The following MPPED2 variants were observed in gnomAD, a reference collection of about 807,000 sequenced individuals.
The protein encoded by MPPED2 is metallophosphoesterase domain containing 2.
In MPPED2, 5 loss-of-function variants were observed where a neutral mutation model predicts 33.0. That is an observed-to-expected ratio of 0.15 (90% CI 0.08 to 0.32). The LOEUF is 0.32. Among genes scored for constraint, MPPED2 ranks in the 10% least tolerant of loss-of-function variants. MPPED2 has a pLI of 1.00. For synonymous variants in MPPED2, 136 were observed against 141.9 expected (o/e 0.96, Z 0.29); for missense variants, 275 against 372.1 (o/e 0.74, Z 2.15).
intron 4 of MPPED2, among the ~76,000 whole-genome samples, chr11:30,427,851 T>A (rs1948909165): frequency 6.6e-6 from 1 of 152,224 alleles, no homozygotes; most frequent in African/African-American, 2.4e-5. Flanking sequence ...ACTTTTTCTA[T>A]AATGACTATA....
chr11:30,421,783 G>C lies in MPPED2; in HGVS notation c.537-4150C>G, dbSNP rs542782859. On this transcript the variant is annotated intron_variant, in intron 4 of 6. Transcript: ENST00000358117. ...CTCATATATGTAAAGTAAAAGTAAG[G>C]CTGCTCCATACAGAATCTTAGTCTG... Among the ~76,000 whole-genome samples, 8 of 152,276 alleles carry C rather than the reference G, an allele frequency of 5.3e-5. No homozygotes were observed. In the East Asian group the frequency reaches 1.5e-3, roughly 29 times the overall value.
chr11:30,540,259 A>G (rs1327282867), intron 2 of MPPED2, among the ~76,000 whole-genome samples: 1 of 152,186 alleles, frequency 6.6e-6, no homozygotes, highest in Non-Finnish European at 1.5e-5. Flanking sequence ...AAATGCTCCA[A>G]AAATAGAGTA....
intron 4 of MPPED2, among the ~76,000 whole-genome samples, chr11:30,425,224 A>G (rs993822629): frequency 8.5e-5 from 13 of 152,262 alleles, no homozygotes; most frequent in Admixed American, 7.2e-4. Context: ...GCACACGTGG[A>G]CATCTTTACA....
chr11:30,557,225 A>AAT (rs1005444578), intron 2 of MPPED2, among the ~76,000 whole-genome samples: 4 of 141,788 alleles, frequency 2.8e-5, no homozygotes, highest in African/African-American at 6.3e-5. Context: ...ATATATATAT[A>AAT]ATATATATAT....
At chr11:30,397,417 T>G (rs2133703319) in intron 6 of MPPED2, among the ~76,000 whole-genome samples, 1 of 152,246 alleles carries the variant, frequency 6.6e-6, no homozygotes, top group Non-Finnish European at 1.5e-5. Context: ...GCTGTTAAAT[T>G]TGGTTGATAT....
At chr11:30,575,678 G>A (rs1337952088) in intron 2 of MPPED2, among the ~76,000 whole-genome samples, 1 of 152,174 alleles carries the variant, frequency 6.6e-6, no homozygotes, top group Non-Finnish European at 1.5e-5. Context: ...ACTGACTGGG[G>A]TACAGAGAAC....
chr11:30,494,841 T>C (rs1201550116), intron 4 of MPPED2, among the ~76,000 whole-genome samples: 1 of 151,852 alleles, frequency 6.6e-6, no homozygotes, highest in African/African-American at 2.4e-5. Context: ...ATATTTTTTG[T>C]CATTAATCCT....
At chr11:30,440,684 G>T (rs998147043) in intron 4 of MPPED2, among the ~76,000 whole-genome samples, 4 of 152,198 alleles carry the variant, frequency 2.6e-5, no homozygotes, top group Admixed American at 6.5e-5. Context: ...TCCAAGCCCA[G>T]TGTTTTTTCC....
downstream of MPPED2, among the ~76,000 whole-genome samples, chr11:30,405,597 C>T (rs1468586809): frequency 1.3e-5 from 2 of 152,076 alleles, no homozygotes; most frequent in Non-Finnish European, 2.9e-5. Context: ...CGACAAAAAC[C>T]CACCACAAAT....
At chr11:30,558,392 C>A (rs981847818) in intron 2 of MPPED2, among the ~76,000 whole-genome samples, 96 of 150,880 alleles carry the variant, frequency 6.4e-4, no homozygotes, top group African/African-American at 2.3e-3. Context: ...TTTTCTTTCT[C>A]TTTCTTTTGC....
intron 2 of MPPED2, among the ~76,000 whole-genome samples, chr11:30,536,384 T>G (rs758396924): frequency 2.6e-5 from 4 of 152,172 alleles, no homozygotes; most frequent in African/African-American, 9.7e-5. Flanking sequence ...CAAAAGGACT[T>G]ACTTACCTGG....
chr11:30,445,472 C>G (rs953767833), intron 4 of MPPED2, among the ~76,000 whole-genome samples: 1 of 152,142 alleles, frequency 6.6e-6, no homozygotes, highest in African/African-American at 2.4e-5. Flanking sequence ...ATATGCATAA[C>G]AAATAATTTA....
chr11:30,386,540 T>C (rs1947704199), exon 7 of MPPED2: 3 of 392,974 alleles, frequency 7.6e-6, no homozygotes, highest in Middle Eastern at 6.4e-4. Context: ...CTCTTTTCTT[T>C]ATAAAATACC....
intron 3 of MPPED2, among the ~76,000 whole-genome samples, chr11:30,502,086 G>GA (rs1189434126): frequency 1.3e-5 from 2 of 152,130 alleles, no homozygotes; most frequent in African/African-American, 4.8e-5. Context: ...AAATTAAGAG[G>GA]AAACCACTGA....
chr11:30,467,941 A>G (rs1452385128), intron 4 of MPPED2, among the ~76,000 whole-genome samples: 2 of 152,070 alleles, frequency 1.3e-5, no homozygotes, highest in East Asian at 3.9e-4. Flanking sequence ...ACCAAGGCAA[A>G]ACAACATGGA....
At chr11:30,472,039 T>C (rs1590415203) in intron 4 of MPPED2, among the ~76,000 whole-genome samples, 1 of 152,234 alleles carries the variant, frequency 6.6e-6, no homozygotes, top group East Asian at 1.9e-4. Context: ...GTGCACAACA[T>C]TTGGGTATAT....
intron 1 of MPPED2, 84 bp from the exon 2 acceptor site, chr11:30,580,578 G>T (rs567274773): frequency 7.6e-7 from 1 of 1,307,580 alleles, no homozygotes; most frequent in Non-Finnish European, 1.0e-6. Context: ...ATCTAGACAT[G>T]AAACTAGTTC....
intron 4 of MPPED2, among the ~76,000 whole-genome samples, chr11:30,484,113 C>A (rs553927745): frequency 6.6e-6 from 1 of 152,180 alleles, no homozygotes; most frequent in East Asian, 1.9e-4. Context: ...AATTTTAGCA[C>A]CATTTTTTAT....
chr11:30,409,014 T>A (rs536737449), downstream of MPPED2, among the ~76,000 whole-genome samples: 2 of 152,166 alleles, frequency 1.3e-5, no homozygotes, highest in African/African-American at 4.8e-5. Flanking sequence ...CACAAATGAG[T>A]CTGCCTTCTA....
Sources: gnomAD v4.1 joint callset for allele counts (sites outside exome capture counted in the v4.1 genomes callset) on GRCh38, gnomAD v4.1.1 for gene constraint, MANE v1.5 for transcripts, NCBI Gene and HGNC (gene_info 2026-07-23, HGNC 2026-07-21) for gene names.